The following GAS2L2 variants were observed in gnomAD, a reference collection of about 807,000 sequenced individuals.
GAS2L2 encodes growth arrest specific 2 like 2.
In GAS2L2, 21 loss-of-function variants were observed where a neutral mutation model predicts 35.2. That is an observed-to-expected ratio of 0.60 (90% CI 0.42 to 0.86). The LOEUF (loss-of-function observed/expected upper bound fraction) is 0.86. Ranked by LOEUF, GAS2L2 falls within the 40% of genes least tolerant of loss-of-function variation. The pLI, the probability that GAS2L2 is intolerant of heterozygous loss-of-function variation, is 0.00. For synonymous variants in GAS2L2, 490 were observed against 473.2 expected (o/e 1.04, Z -0.46); for missense variants, 1,169 against 1,144.4 (o/e 1.02, Z -0.31).
chr17:35,745,279 T>TG lies in GAS2L2; in HGVS notation c.2217dup (p.Thr740HisfsTer10). 1.2e-6 allele frequency: 2 copies of TG among 1,611,486 alleles called. No individual in the cohort carries two copies. The highest frequency in any genetic ancestry group is 1.7e-4 in the Middle Eastern group (1 of 6,056). ...GAGTTGGGGTCCAAGGGCGAAGGTG[T>TG]GGGGGCCTCCGGGCTGGCAGACACA... On this transcript the variant is annotated frameshift_variant, in exon 6 of 6. Transcript: ENST00000604641. LOFTEE classifies it low-confidence loss of function (END_TRUNC).
chr17:35,745,865 G>A lies in GAS2L2; in HGVS notation c.1632C>T (p.Asp544=), dbSNP rs2085663486. Residue 544 remains aspartate (D), a synonymous_variant, in exon 6 of 6, where the codon GAC becomes GAT. Coordinates refer to ENST00000604641, the MANE Select transcript of GAS2L2 (RefSeq NM_139285.4). The part of the protein sequence containing the change: ...DPIPLRAVTV[D]LAGSTHGDCS... ...AGTCCCCATGCGTGGACCCAGCCAG[G>A]TCCACAGTGACGGCCCTTAGTGGGA... 2 of 1,613,676 alleles carry A rather than the reference G, an allele frequency of 1.2e-6. No individual in the cohort carries two copies. The highest frequency in any genetic ancestry group is 1.6e-4 in the Middle Eastern group (1 of 6,084).
chr17:35,752,902 C>A lies in GAS2L2; in HGVS notation c.-52G>T. 2 of 1,515,926 alleles carry A rather than the reference C, an allele frequency of 1.3e-6. No homozygotes were observed. Among genetic ancestry groups the A allele is most frequent in the Non-Finnish European group, 1.8e-6 (2 of 1,131,700 alleles). 93.9% of individuals were successfully genotyped at this position (1,515,926 alleles called of 1,614,324 possible). ...GGGCACCTCCCCTCTCCCACTGCCG[C>A]CTCTTTCCTCCCGCTGCTGCTGGGT... On this transcript the variant is annotated 5_prime_UTR_variant, in exon 1 of 6. Coordinates refer to ENST00000604641, the MANE Select transcript of GAS2L2 (RefSeq NM_139285.4).
At chr17:35,751,423 T>C (rs1006402343) in intron 1 of GAS2L2, among the ~76,000 whole-genome samples, 92 of 152,164 alleles carry the variant, frequency 6.0e-4, no homozygotes, top group African/African-American at 2.2e-3. Flanking sequence ...ATCTCGGCAG[T>C]TTGGGAGGCT....
Position 35,752,804 on chromosome 17 carries a change from G to A in GAS2L2, c.47C>T (p.Pro16Leu), listed in dbSNP as rs149878042. The A allele has an allele frequency of 9.3e-6, 15 of 1,611,202 alleles. No homozygotes were observed. Among genetic ancestry groups the A allele is most frequent in the South Asian group, 5.5e-5 (5 of 91,048 alleles). The stretch of plus-strand genomic sequence containing the variant: ...GAAAGGCCGGATACTGCACACAGGC[G>A]GCCCTAGGGTCCTGGGCTTCCTCCT... Reference protein sequence around the residue: ...GGRRKPRTLGPPVCSIRPFKS... With the variant: ...GGRRKPRTLGLPVCSIRPFKS... The change falls in exon 1 of 6, where the codon CCG (proline) becomes CTG (leucine). Residue 16 changes from proline (P) to leucine (L), a missense_variant. Coordinates refer to ENST00000604641, the MANE Select transcript of GAS2L2 (RefSeq NM_139285.4).
rs1555599604 is a variant in GAS2L2 at position 35,750,257 on chromosome 17, C to G, written c.447G>C (p.Leu149=). 6.2e-7 allele frequency: 1 copy of G among 1,614,072 alleles called. No individual in the cohort carries two copies. Among genetic ancestry groups the G allele is most frequent in the East Asian group, 2.2e-5 (1 of 44,868 alleles). ...VLRKNVKNVV[L]CLLELGRRAW... The stretch of plus-strand genomic sequence containing the variant: ...CCCGGCGGCCCAGCTCCAGCAAACA[C>G]AGCACCACGTTCTTCACGTTCTTGC... The change falls in exon 2 of 6, where the codon CTG becomes CTC. Residue 149 remains leucine, a synonymous_variant. Coordinates refer to ENST00000604641, the MANE Select transcript of GAS2L2 (RefSeq NM_139285.4).
rs587717838 is a variant in GAS2L2 at position 35,747,361 on chromosome 17, G to A, written c.833-93C>T. 1,665 of 1,385,776 alleles carry A rather than the reference G, an allele frequency of 1.2e-3. 3 individuals carry two copies. The highest frequency in any genetic ancestry group is 1.5e-3 in the Non-Finnish European group (1,550 of 1,029,146). The allele number at this position is 1,385,776 out of a possible 1,614,324, so 85.8% of individuals were successfully genotyped here. A position where few individuals can be genotyped will look rare whatever the true frequency, so the allele number is the denominator to read the frequency against. ...TCCTCCCCCAGTGGTCCCATGCCCC[G>A]CATCCCACATTAAAAACAGTGGGAC... On this transcript the variant is annotated intron_variant, in intron 4 of 5. Transcript: ENST00000604641.
rs376528605 is a variant in GAS2L2 at position 35,750,093 on chromosome 17, C to G, written c.611G>C (p.Arg204Pro). 5.0e-6 allele frequency: 8 copies of G among 1,599,072 alleles called. No individual in the cohort carries two copies. The African/African-American group carries it at 9.6e-5, about 19-fold the overall frequency. Residue 204 changes from arginine (R) to proline (P), a missense_variant, in exon 2 of 6, where the codon CGC becomes CCC. Physicochemically the swap from Arg to Pro is moderately radical, Grantham distance 103. Coordinates refer to ENST00000604641, the MANE Select transcript of GAS2L2 (RefSeq NM_139285.4). ...APPRRQPCHF[R>P]NLDQMVQSLV... is the part of the protein sequence containing the mutation. ...GCCCCTCACCATCTGGTCCAGGTTGCGGAAGTGGCAGGGCTGGCGCCTGGG... is the reference window on the plus strand; with the variant it reads ...GCCCCTCACCATCTGGTCCAGGTTGGGGAAGTGGCAGGGCTGGCGCCTGGG...
Position 35,750,083 on chromosome 17 carries a change from G to A in GAS2L2, c.621C>T (p.Asp207=). The A allele has an allele frequency of 6.2e-7, 1 of 1,603,018 alleles. No homozygotes were observed. Among genetic ancestry groups the A allele is most frequent in the South Asian group, 1.1e-5 (1 of 90,238 alleles). The change falls in exon 2 of 6, where the codon GAC becomes GAT. Residue 207 remains aspartate (D), a synonymous_variant. Coordinates refer to ENST00000604641, the MANE Select transcript of GAS2L2 (RefSeq NM_139285.4). ...CGTGTGCAGAGCCCCTCACCATCTG[G>A]TCCAGGTTGCGGAAGTGGCAGGGCT... is the stretch of plus-strand genomic sequence containing the variant. The part of the protein sequence containing the change: ...RRQPCHFRNL[D]QMVQSLVSHC...
In GAS2L2 at chr17:35,747,836, T is replaced by C; in HGVS notation, c.832+13A>G. The C allele has an allele frequency of 6.2e-7, 1 of 1,611,440 alleles. No homozygotes were observed. The highest frequency in any genetic ancestry group is 8.5e-7 in the Non-Finnish European group (1 of 1,177,824). On this transcript the variant is annotated intron_variant, in intron 4 of 5. Coordinates refer to ENST00000604641, the MANE Select transcript of GAS2L2 (RefSeq NM_139285.4). ...AACCAACCCCACAGGGAGAGGGCCC[T>C]CAGGGGACTCACAGAGGGATGTGCA...
In GAS2L2 at chr17:35,750,116, G is replaced by A. The variant is rs782244176; in HGVS notation, c.588C>T (p.Pro196=). Residue 196 remains proline, a synonymous_variant, in exon 2 of 6, where the codon CCC becomes CCT. Coordinates refer to ENST00000604641, the MANE Select transcript of GAS2L2 (RefSeq NM_139285.4). ...PPPDPSPPAP[P]RRQPCHFRNL... is the part of the protein sequence containing the mutation. ...TGCGGAAGTGGCAGGGCTGGCGCCT[G>A]GGGGGCGCTGGCGGCGAGGGGTCGG... The A allele has an allele frequency of 6.2e-7, 1 of 1,600,822 alleles. No homozygotes were observed. The highest frequency in any genetic ancestry group is 1.8e-5 in the Admixed American group (1 of 55,540).
chr17:35,746,355 G>A lies in GAS2L2; in HGVS notation c.1142C>T (p.Pro381Leu). ...GGTAGATGAGGACTGGGGGCTGGGT[G>A]GGCTGTCCCCAGCTGTCGGCTGCCT... ...SWRQPTAGDSPPSPQSSSTQK... is the reference protein window; with the variant it reads ...SWRQPTAGDSLPSPQSSSTQK... Residue 381 changes from proline (P) to leucine (L), a missense_variant, in exon 6 of 6, where the codon CCA (proline) becomes CTA (leucine). Physicochemically the swap from Pro to Leu is moderately conservative, Grantham distance 98. Around this residue, in one of 3 missense-constraint regions of GAS2L2, gnomAD observed 1,035 missense variants for 976.5 expected, o/e 1.06. Transcript: ENST00000604641. 2 of 1,364,228 alleles carry A rather than the reference G, an allele frequency of 1.5e-6. No individual in the cohort carries two copies. Among genetic ancestry groups the A allele is most frequent in the South Asian group, 5.2e-5 (2 of 38,196 alleles). The allele number at this position is 1,364,228 out of a possible 1,614,324, so 84.5% of individuals were successfully genotyped here. A position where few individuals can be genotyped will look rare whatever the true frequency, so the allele number is the denominator to read the frequency against.
chr17:35,745,936 C>T lies in GAS2L2; in HGVS notation c.1561G>A (p.Gly521Ser). The T allele has an allele frequency of 6.2e-7, 1 of 1,610,384 alleles. No homozygotes were observed. Among genetic ancestry groups the T allele is most frequent in the Non-Finnish European group, 8.5e-7 (1 of 1,177,824 alleles). Residue 521 changes from glycine to serine, a missense_variant, in exon 6 of 6, where the codon GGT (glycine) becomes AGT (serine). Around this residue, in one of 3 missense-constraint regions of GAS2L2, gnomAD observed 1,035 missense variants for 976.5 expected, o/e 1.06. Coordinates refer to ENST00000604641, the MANE Select transcript of GAS2L2 (RefSeq NM_139285.4). ...RPPTPGRSFP[G>S]ATSGSPRTEL... Reference sequence around the variant, plus strand: ...GTCCTGGGACTTCCACTTGTAGCACCAGGAAAGCTCCTTCCTGGTGTTGGG... The same window carrying T: ...GTCCTGGGACTTCCACTTGTAGCACTAGGAAAGCTCCTTCCTGGTGTTGGG...
intron 4 of GAS2L2, 75 bp from the exon 5 acceptor site, chr17:35,747,343 C>A: frequency 1.4e-6 from 2 of 1,464,972 alleles, no homozygotes; most frequent in South Asian, 1.4e-5. Flanking sequence ...TGTTCCTCCC[C>A]CAGTGGTCCC....
intron 1 of GAS2L2, 67 bp from the exon 2 acceptor site, chr17:35,750,385 G>A: frequency 1.9e-6 from 3 of 1,603,146 alleles, no homozygotes; most frequent in Non-Finnish European, 2.6e-6. Context: ...AGCCTCCGGG[G>A]CAGGGGCTAG....
chr17:35,750,193 G>C lies in GAS2L2; in HGVS notation c.511C>G (p.Leu171Val), dbSNP rs1555599585. The C allele has an allele frequency of 6.2e-7, 1 of 1,613,524 alleles. No homozygotes were observed. The highest frequency in any genetic ancestry group is 1.3e-5 in the African/African-American group (1 of 75,022). ...ACCTCCTCCTCGATCTCCTCCTCCA[G>C]CTGCACGAGTGTGGGCGCCGCAACA... ...FGVAAPTLVQ[L>V]EEEIEEEVRR... Residue 171 changes from leucine to valine, a missense_variant, in exon 2 of 6, where the codon CTG becomes GTG. This residue lies in a region of GAS2L2 where 1,035 missense variants were observed against 976.5 expected (regional missense o/e 1.06). Coordinates refer to ENST00000604641, the MANE Select transcript of GAS2L2 (RefSeq NM_139285.4).
At position 35,745,543 on chromosome 17, in the gene GAS2L2, C is replaced by T; in HGVS notation, c.1954G>A (p.Asp652Asn). The change falls in exon 6 of 6, where the codon GAC becomes AAC. Residue 652 changes from aspartate to asparagine, a missense_variant. Physicochemically the swap from Asp to Asn is conservative, Grantham distance 23. This residue lies in a region of GAS2L2 where 1,035 missense variants were observed against 976.5 expected (regional missense o/e 1.06). Coordinates refer to ENST00000604641, the MANE Select transcript of GAS2L2 (RefSeq NM_139285.4). ...TGAGCCAGTTCTTGGATGGCTTTGT[C>T]ATAAGGACCCCCAGGCTCAGGCCAC... is the stretch of plus-strand genomic sequence containing the variant. ...GQWPEPGGPY[D>N]KAIQELAQGS... 6.2e-7 allele frequency: 1 copy of T among 1,613,252 alleles called. No homozygotes were observed. Among genetic ancestry groups the T allele is most frequent in the Non-Finnish European group, 8.5e-7 (1 of 1,179,664 alleles).
intron 4 of GAS2L2, 40 bp from the exon 5 acceptor site, chr17:35,747,308 T>C (rs1167638453): frequency 1.4e-5 from 21 of 1,555,002 alleles, no homozygotes; most frequent in Non-Finnish European, 1.8e-5. Flanking sequence ...GAGAGAAGGG[T>C]TCAGTTCCTG....
chr17:35,749,439 G>A (rs781983216), intron 2 of GAS2L2, among the ~76,000 whole-genome samples: 19 of 152,234 alleles, frequency 1.2e-4, no homozygotes, highest in Admixed American at 2.6e-4. Flanking sequence ...TGATGGAAGC[G>A]GCAGAGTGCC....
chr17:35,745,649 T>G lies in GAS2L2; in HGVS notation c.1848A>C (p.Glu616Asp). Reference sequence around the variant, plus strand: ...TGCCCTGCGGACAGGCACTCCTGACTTCTAGCAGCTTCATGTTGCCCAAAA... The same window carrying G: ...TGCCCTGCGGACAGGCACTCCTGACGTCTAGCAGCTTCATGTTGCCCAAAA... The part of the protein sequence containing the change: ...EEILGNMKLL[E>D]VRSACPQGTR... Residue 616 changes from glutamate (E) to aspartate (D), a missense_variant, in exon 6 of 6, where the codon GAA (glutamate) becomes GAC (aspartate). By Grantham distance (45) the Glu-to-Asp change is conservative. Around this residue, in one of 3 missense-constraint regions of GAS2L2, gnomAD observed 1,035 missense variants for 976.5 expected, o/e 1.06. Coordinates refer to ENST00000604641, the MANE Select transcript of GAS2L2 (RefSeq NM_139285.4). The G allele has an allele frequency of 6.2e-7, 1 of 1,613,958 alleles. No individual in the cohort carries two copies. Among genetic ancestry groups the G allele is most frequent in the South Asian group, 1.1e-5 (1 of 91,090 alleles).
Sources: gnomAD v4.1 joint callset for allele counts (sites outside exome capture counted in the v4.1 genomes callset) on GRCh38, gnomAD v4.1.1 for gene constraint, gnomAD v4.1.1 regional missense constraint, MANE v1.5 for transcripts, NCBI Gene and HGNC (gene_info 2026-07-23, HGNC 2026-07-21) for gene names.